Variants in CXCR5 observed in about 807,000 individuals in gnomAD.
The protein encoded by CXCR5 is C-X-C motif chemokine receptor 5.
In CXCR5, 3 loss-of-function variants were observed where a neutral mutation model predicts 5.6. The observed-to-expected ratio is 0.54, with a 90% CI of 0.24 to 1.39. CXCR5 has a LOEUF of 1.39. Among genes scored for constraint, CXCR5 ranks in the 40% most tolerant of loss-of-function variants. The probability of loss-of-function intolerance (pLI) is 0.16; values close to 1 mark genes in which losing one functional copy is unlikely to be tolerated. For missense variants in CXCR5, 333 were observed against 494.6 expected (o/e 0.67, Z 3.10); for synonymous variants, 218 against 219.9 (o/e 0.99, Z 0.08).
At chr11:118,892,408 C>G (rs564920566) in intron 1 of CXCR5, among the ~76,000 whole-genome samples, 5 of 152,132 alleles carry the variant, frequency 3.3e-5, no homozygotes, top group Non-Finnish European at 7.3e-5. Flanking sequence ...CCACCCGGAG[C>G]CTGGTGGACA....
chr11:118,884,665 G>A (rs1211472937), intron 1 of CXCR5, among the ~76,000 whole-genome samples: 1 of 152,216 alleles, frequency 6.6e-6, no homozygotes, highest in Non-Finnish European at 1.5e-5. Flanking sequence ...AAATGTCTTG[G>A]AACCTGTTGT....
chr11:118,889,651 C>CT (rs941287900), intron 1 of CXCR5, among the ~76,000 whole-genome samples: 73 of 152,304 alleles, frequency 4.8e-4, no homozygotes, highest in African/African-American at 1.8e-3. Flanking sequence ...CCCAAAACGT[C>CT]TGTTTGACAC....
chr11:118,890,483 A>G (rs969767882), intron 1 of CXCR5, among the ~76,000 whole-genome samples: 3 of 152,098 alleles, frequency 2.0e-5, no homozygotes, highest in African/African-American at 7.2e-5. Context: ...ATGGGATTGA[A>G]TTCGGCTTTG....
In CXCR5 at chr11:118,896,651, C is replaced by G. The variant is rs1014047149; in HGVS notation, c.*1988C>G. 6.5e-6 allele frequency: 1 copy of G among 152,922 alleles called. No homozygotes were observed. The highest frequency in any genetic ancestry group is 6.5e-5 in the Admixed American group (1 of 15,296). The allele number at this position is 152,922 out of a possible 1,614,324, so 9.5% of individuals were successfully genotyped here. A position where few individuals can be genotyped will look rare whatever the true frequency, so the allele number is the denominator to read the frequency against. The stretch of plus-strand genomic sequence containing the variant: ...CCCCAGAGGAAGCGCTGGACCTGGC[C>G]GATGGTGGGCCGAGAGGACAGCACC... On this transcript the variant is annotated 3_prime_UTR_variant, in exon 2 of 2. Transcript: ENST00000292174.
At chr11:118,888,648 C>T (rs1452723575) in intron 1 of CXCR5, among the ~76,000 whole-genome samples, 1 of 152,252 alleles carries the variant, frequency 6.6e-6, no homozygotes, top group African/African-American at 2.4e-5. Context: ...CCAAGTCTTT[C>T]TGACGAACTG....
intron 1 of CXCR5, among the ~76,000 whole-genome samples, chr11:118,892,121 C>T (rs1488069894): frequency 6.6e-6 from 1 of 152,006 alleles, no homozygotes; most frequent in Non-Finnish European, 1.5e-5. Flanking sequence ...GAAGGAAGAC[C>T]AGACTGAGGC....
At chr11:118,884,062 C>T (rs1412977552) in intron 1 of CXCR5, 70 bp downstream of exon 1, 19 of 1,486,298 alleles carry the variant, frequency 1.3e-5, no homozygotes, top group East Asian at 2.4e-5. Flanking sequence ...TGCCAGAGTC[C>T]GAGGGAGAGG....
chr11:118,885,287 T>A (rs995527173), intron 1 of CXCR5, among the ~76,000 whole-genome samples: 1 of 152,224 alleles, frequency 6.6e-6, no homozygotes, highest in African/African-American at 2.4e-5. Flanking sequence ...ACCTGCTACA[T>A]AATTTGTGGG....
intron 1 of CXCR5, among the ~76,000 whole-genome samples, chr11:118,892,157 G>A (rs1001992802): frequency 6.6e-6 from 1 of 152,138 alleles, no homozygotes; most frequent in Non-Finnish European, 1.5e-5. Flanking sequence ...CTGCGGGAAG[G>A]GTTGGCAGAT....
At chr11:118,889,584 G>C (rs147559662) in intron 1 of CXCR5, among the ~76,000 whole-genome samples, 2 of 152,206 alleles carry the variant, frequency 1.3e-5, no homozygotes, top group East Asian at 3.9e-4. Context: ...GGGGAGATTG[G>C]GGGAGCTAGA....
chr11:118,887,293 G>T (rs766306519), intron 1 of CXCR5: 579 of 985,318 alleles, frequency 5.9e-4, no homozygotes, highest in Non-Finnish European at 6.4e-4. Flanking sequence ...TCTTTCAAGA[G>T]TGGTGGGGAA....
rs1193685363 is a variant in CXCR5 at position 118,894,294 on chromosome 11, G to A, written c.750G>A (p.Arg250=). 3 of 1,614,114 alleles carry A rather than the reference G, an allele frequency of 1.9e-6. No homozygotes were observed. In the South Asian group the frequency reaches 3.3e-5, roughly 18 times the overall value. ...TGCACAGGTTGCGCCAGGCCCAGCG[G>A]CGCCCTCAGCGGCAGAAGGCAGTCA... ...GVVHRLRQAQ[R]RPQRQKAVRV... Residue 250 remains arginine (R), a synonymous_variant, in exon 2 of 2, where the codon CGG becomes CGA. Coordinates refer to ENST00000292174, the MANE Select transcript of CXCR5 (RefSeq NM_001716.5). This position sits in a 1 kb window ranked among gnomAD's most constrained non-coding sequence, Gnocchi z 6.1.
chr11:118,888,102 C>T (rs1939745270), intron 1 of CXCR5, among the ~76,000 whole-genome samples: 1 of 152,058 alleles, frequency 6.6e-6, no homozygotes. Flanking sequence ...CAGGGCAGGA[C>T]AGACAGAGAA....
intron 1 of CXCR5, among the ~76,000 whole-genome samples, chr11:118,890,382 G>A (rs921324444): frequency 6.6e-6 from 1 of 152,158 alleles, no homozygotes; most frequent in African/African-American, 2.4e-5. Context: ...GTTAGAAAGT[G>A]TCATCCCAAC....
chr11:118,889,198 C>T (rs1277895965), intron 1 of CXCR5, among the ~76,000 whole-genome samples: 1 of 152,264 alleles, frequency 6.6e-6, no homozygotes, highest in African/African-American at 2.4e-5. Context: ...TCTAGCTCCA[C>T]TCTCAGCCTC....
In CXCR5 at chr11:118,893,710, G is replaced by A. The variant is rs145408474; in HGVS notation, c.166G>A (p.Val56Met). 4.0e-5 allele frequency: 65 copies of A among 1,614,180 alleles called. No individual in the cohort carries two copies. The African/African-American group carries it at 5.9e-4, about 15-fold the overall frequency. Residue 56 changes from valine to methionine, a missense_variant, in exon 2 of 2, where the codon GTG becomes ATG. Val to Met is a conservative substitution (Grantham distance 21, BLOSUM62 1). Coordinates refer to ENST00000292174, the MANE Select transcript of CXCR5 (RefSeq NM_001716.5). The surrounding 1 kb of genome is among the most constrained non-coding windows in gnomAD (Gnocchi z 5.7). ...CTCCTTCAAGGCCGTGTTCGTGCCC[G>A]TGGCCTACAGCCTCATCTTCCTCCT... Reference protein sequence around the residue: ...MASFKAVFVPVAYSLIFLLGV... With the variant: ...MASFKAVFVPMAYSLIFLLGV...
rs935334049 is a variant in CXCR5 at position 118,894,426 on chromosome 11, C to T, written c.882C>T (p.Cys294=). ...GGCTGAAGGCCGTGGACAATACCTG[C>T]AAGCTGAATGGCTCTCTCCCCGTGG... The part of the protein sequence containing the change: ...LARLKAVDNT[C]KLNGSLPVAI... Residue 294 remains cysteine, a synonymous_variant, in exon 2 of 2, where the codon TGC becomes TGT. Transcript: ENST00000292174. The surrounding 1 kb of genome is among the most constrained non-coding windows in gnomAD (Gnocchi z 6.1). 4 of 1,614,074 alleles carry T rather than the reference C, an allele frequency of 2.5e-6. No individual in the cohort carries two copies. The Admixed American group carries it at 5.0e-5, about 20-fold the overall frequency.
intron 1 of CXCR5, among the ~76,000 whole-genome samples, chr11:118,888,583 T>C (rs1007725844): frequency 6.6e-6 from 1 of 152,242 alleles, no homozygotes; most frequent in Non-Finnish European, 1.5e-5. Context: ...ACAGTGGCCC[T>C]TCGGCTGGCC....
Position 118,896,271 on chromosome 11 carries a change from A to G in CXCR5, c.*1608A>G, listed in dbSNP as rs1306320450. 1 of 164,242 alleles carries G rather than the reference A, an allele frequency of 6.1e-6. No homozygotes were observed. The highest frequency in any genetic ancestry group is 2.4e-5 in the African/African-American group (1 of 41,194). The allele number at this position is 164,242 out of a possible 1,614,324, so 10.2% of individuals were successfully genotyped here. ...CCAAGAAGATGTCTTCACATATTGT[A>G]TTTATATATTTATATTTATATATAT... On this transcript the variant is annotated 3_prime_UTR_variant, in exon 2 of 2. Transcript: ENST00000292174.
Sources: gnomAD v4.1 joint callset for allele counts (sites outside exome capture counted in the v4.1 genomes callset) on GRCh38, gnomAD v4.1.1 for gene constraint, Gnocchi (gnomAD v3.1) non-coding constraint, MANE v1.5 for transcripts, NCBI Gene and HGNC (gene_info 2026-07-23, HGNC 2026-07-21) for gene names.